MBNL1: variants seen among roughly 807,000 people sequenced by gnomAD.
MBNL1 encodes the protein muscleblind-like protein 1.
A neutral mutation model predicts 42.2 loss-of-function variants in MBNL1; 8 were observed. The ratio of observed to expected loss-of-function variants is 0.19; its 90% CI spans 0.11 to 0.34. The LOEUF is 0.34. Ranked by LOEUF, MBNL1 falls within the 10% of genes least tolerant of loss-of-function variation. The pLI is 1.00. For synonymous variants in MBNL1, 169 were observed against 173.9 expected, an observed-to-expected ratio of 0.97 and a Z score of 0.22; for missense variants, 309 against 495.3, an observed-to-expected ratio of 0.62 and a Z score of 3.57.
At chr3:152,424,940 G>GT (rs1303104224) in intron 3 of MBNL1, among the ~76,000 whole-genome samples, 1 of 152,146 alleles carries the variant, frequency 6.6e-6, no homozygotes, top group African/African-American at 2.4e-5. Context: ...AGACTTAAAT[G>GT]TAAGACCCAA....
At chr3:152,252,280 C>T (rs999383926) in intron 2 of MBNL1, among the ~76,000 whole-genome samples, 1 of 149,658 alleles carries the variant, frequency 6.7e-6, no homozygotes, top group African/African-American at 2.5e-5. Flanking sequence ...CCCTTCCTCC[C>T]CTCCCTCCCT....
chr3:152,383,545 A>G (rs763098673), intron 2 of MBNL1, among the ~76,000 whole-genome samples: 8 of 152,018 alleles, frequency 5.3e-5, no homozygotes, highest in Non-Finnish European at 1.2e-4. Context: ...AGACTAGATG[A>G]GCTGGTGTAA....
chr3:152,291,712 G>T (rs2056112216), intron 1 of MBNL1, among the ~76,000 whole-genome samples: 1 of 152,202 alleles, frequency 6.6e-6, no homozygotes, highest in African/African-American at 2.4e-5. Context: ...TAAGCAGATA[G>T]CGAGATAAGC....
intron 2 of MBNL1, among the ~76,000 whole-genome samples, chr3:152,331,235 A>G (rs528010344): frequency 2.6e-5 from 4 of 152,070 alleles, no homozygotes; most frequent in African/African-American, 9.6e-5. Flanking sequence ...CCCTGGGCAT[A>G]ACTGAATAGG....
At chr3:152,381,310 A>G (rs1210419998) in intron 2 of MBNL1, among the ~76,000 whole-genome samples, 2 of 152,116 alleles carry the variant, frequency 1.3e-5, no homozygotes, top group East Asian at 3.9e-4. Flanking sequence ...TATATACTTC[A>G]GGCAGGAGTA....
chr3:152,348,058 T>A (rs1017996318), intron 2 of MBNL1, among the ~76,000 whole-genome samples: 2 of 152,106 alleles, frequency 1.3e-5, no homozygotes, highest in African/African-American at 4.8e-5. Context: ...GAGTCATAGA[T>A]TTTAAAAATT....
chr3:152,451,299 A>G (rs1237964755), intron 6 of MBNL1, among the ~76,000 whole-genome samples: 1 of 152,210 alleles, frequency 6.6e-6, no homozygotes, highest in Non-Finnish European at 1.5e-5. Context: ...GCTAAGAAAA[A>G]TTACTACATA....
intron 2 of MBNL1, among the ~76,000 whole-genome samples, chr3:152,322,581 G>A (rs1163987387): frequency 6.6e-6 from 1 of 151,918 alleles, no homozygotes; most frequent in Non-Finnish European, 1.5e-5. Flanking sequence ...TAACTGGGCT[G>A]GGAAAAAATG....
chr3:152,326,674 A>G (rs12054473), intron 2 of MBNL1, among the ~76,000 whole-genome samples: 7,006 of 152,104 alleles, frequency 0.046, 557 homozygotes, highest in East Asian at 0.31. Context: ...ATATTTATCA[A>G]TTTTCAGAAT....
chr3:152,340,962 T>TTTCC (rs2093037681), intron 2 of MBNL1: 3 of 1,504,908 alleles, frequency 2.0e-6, no homozygotes. Flanking sequence ...CCTATACCAC[T>TTTCC]TTCCTGAAGG....
intron 2 of MBNL1, among the ~76,000 whole-genome samples, chr3:152,322,735 T>G (rs1256404999): frequency 1.3e-5 from 2 of 151,838 alleles, no homozygotes; most frequent in Non-Finnish European, 2.9e-5. Flanking sequence ...TTTCTGGCAT[T>G]TTTTAAGCGC....
At chr3:152,364,537 G>C (rs1263742266) in intron 2 of MBNL1, among the ~76,000 whole-genome samples, 3 of 151,894 alleles carry the variant, frequency 2.0e-5, no homozygotes, top group African/African-American at 7.3e-5. Context: ...ATATTAATCA[G>C]ATTTGCCCTT....
At chr3:152,420,045 G>C (rs2098777141) in intron 3 of MBNL1, among the ~76,000 whole-genome samples, 1 of 152,162 alleles carries the variant, frequency 6.6e-6, no homozygotes, top group African/African-American at 2.4e-5. Flanking sequence ...CTGTAGCCAG[G>C]CTGCCTCTCT....
intron 2 of MBNL1, among the ~76,000 whole-genome samples, chr3:152,412,701 T>C (rs1346517660): frequency 2.0e-5 from 3 of 152,124 alleles, no homozygotes; most frequent in Admixed American, 2.0e-4. Context: ...CAGTCCAGGC[T>C]ATGTTCATTG....
chr3:152,415,404 A>G (rs531268813), intron 3 of MBNL1, among the ~76,000 whole-genome samples: 9 of 152,322 alleles, frequency 5.9e-5, no homozygotes, highest in South Asian at 2.1e-4. Flanking sequence ...CTGTGTTACA[A>G]TGATCATCTA....
At chr3:152,455,997 A>C (rs989994314) in intron 7 of MBNL1, among the ~76,000 whole-genome samples, 2 of 152,184 alleles carry the variant, frequency 1.3e-5, no homozygotes, top group Admixed American at 1.3e-4. Context: ...TTGACTTAGC[A>C]TATTAAGCCT....
chr3:152,365,981 T>C (rs946544099), intron 2 of MBNL1, among the ~76,000 whole-genome samples: 4 of 152,168 alleles, frequency 2.6e-5, no homozygotes, highest in African/African-American at 7.2e-5. Context: ...AAAAAGGTGC[T>C]ATATTTGCTA....
At chr3:152,266,301 ATT>A (rs2037217792), upstream of MBNL1, 1 of 152,106 alleles carries the variant, frequency 6.6e-6, no homozygotes, top group Admixed American at 6.5e-5. Flanking sequence ...TCATCCTTGT[ATT>A]TCTTTGTATT....
At chr3:152,382,567 A>G (rs2097222161) in intron 2 of MBNL1, among the ~76,000 whole-genome samples, 1 of 152,190 alleles carries the variant, frequency 6.6e-6, no homozygotes, top group Non-Finnish European at 1.5e-5. Context: ...TCTTTTCATT[A>G]TGATAGCACT....
Sources: gnomAD v4.1 joint callset for allele counts (sites outside exome capture counted in the v4.1 genomes callset) on GRCh38, gnomAD v4.1.1 for gene constraint, MANE v1.5 for transcripts, NCBI Gene and HGNC (gene_info 2026-07-23, HGNC 2026-07-21) for gene names.